The following UNC13C variants were observed in gnomAD, a reference collection of about 807,000 sequenced individuals.
UNC13C encodes the protein protein unc-13 homolog C.
In UNC13C, 174 loss-of-function variants were observed where a neutral mutation model predicts 245.4. The ratio of observed to expected loss-of-function variants is 0.71; its 90% CI spans 0.63 to 0.80. The LOEUF (loss-of-function observed/expected upper bound fraction) is 0.80. UNC13C is among the 30% of genes least tolerant of loss of function. The pLI, the probability that UNC13C is intolerant of heterozygous loss-of-function variation, is 0.00. For missense variants in UNC13C, 2,829 were observed against 2,602.9 expected, an observed-to-expected ratio of 1.09 and a Z score of -1.89; for synonymous variants, 992 against 895.1, an observed-to-expected ratio of 1.11 and a Z score of -1.93.
intron 17 of UNC13C, among the ~76,000 whole-genome samples, chr15:54,375,270 A>G (rs1446920720): frequency 1.3e-5 from 2 of 152,230 alleles, no homozygotes; most frequent in African/African-American, 2.4e-5. Context: ...AAAATTTCTA[A>G]TCTACCTTGC....
chr15:54,119,578 TC>T, intron 2 of UNC13C, among the ~76,000 whole-genome samples: 1 of 152,242 alleles, frequency 6.6e-6, no homozygotes, highest in Non-Finnish European at 1.5e-5. Flanking sequence ...TACATTGGCC[TC>T]TGAGTGTTTA....
In UNC13C at chr15:54,626,128, G is replaced by A. The variant is rs1233258488; in HGVS notation, c.6360-700G>A. On this transcript the variant is annotated intron_variant, in intron 32 of 32. Coordinates refer to ENST00000260323, the MANE Select transcript of UNC13C (RefSeq NM_001080534.3). ...AATATGAGAATGAACAAAAATAAGG[G>A]GTGGAGGAAGACAGACTGTATCTAC... is the stretch of plus-strand genomic sequence containing the variant. Among the ~76,000 whole-genome samples, 4 of 151,242 alleles carry A rather than the reference G, an allele frequency of 2.6e-5. No homozygotes were observed. In the East Asian group the frequency reaches 7.9e-4, roughly 30 times the overall value.
chr15:54,265,252 T>C, intron 9 of UNC13C, 103 bp from the exon 10 acceptor site: 2 of 976,730 alleles, frequency 2.0e-6, no homozygotes, highest in Non-Finnish European at 2.8e-6. Context: ...GGGATGCATC[T>C]ATAAGCCCAA....
chr15:53,991,196 T>C (rs1894371429), intron 1 of UNC13C, among the ~76,000 whole-genome samples: 1 of 152,020 alleles, frequency 6.6e-6, no homozygotes, highest in Non-Finnish European at 1.5e-5. Flanking sequence ...TATATATATG[T>C]ATATGCAGAT....
intron 19 of UNC13C, among the ~76,000 whole-genome samples, chr15:54,424,660 C>T (rs2040721157): frequency 6.6e-6 from 1 of 151,546 alleles, no homozygotes; most frequent in Admixed American, 6.6e-5. Flanking sequence ...AGTAACTTCA[C>T]AGACATATTA....
chr15:54,352,582 A>C (rs1243160829), intron 17 of UNC13C, among the ~76,000 whole-genome samples: 2 of 151,812 alleles, frequency 1.3e-5, no homozygotes, highest in Admixed American at 6.6e-5. Flanking sequence ...AGAAGGCATA[A>C]AACAAAAATA....
At chr15:54,053,148 A>G (rs962256150) in intron 2 of UNC13C, among the ~76,000 whole-genome samples, 3 of 152,010 alleles carry the variant, frequency 2.0e-5, no homozygotes, top group African/African-American at 4.8e-5. Flanking sequence ...ACAGGTGTGC[A>G]CCACTACAGG....
chr15:54,018,912 G>T (rs1566954444), intron 2 of UNC13C, among the ~76,000 whole-genome samples: 1 of 152,020 alleles, frequency 6.6e-6, no homozygotes, highest in African/African-American at 2.4e-5. Context: ...AATCAAGAGA[G>T]GTGGGATACT....
chr15:54,033,364 A>T (rs1300739363), intron 2 of UNC13C, among the ~76,000 whole-genome samples: 1 of 152,200 alleles, frequency 6.6e-6, no homozygotes, highest in Admixed American at 6.5e-5. Flanking sequence ...GATATACCTT[A>T]GTTCCTAATT....
At position 54,113,489 on chromosome 15, in the gene UNC13C, G is replaced by C. The variant is rs539055065; in HGVS notation, c.2984-29529G>C. ...GGAGTATTAGAAGCTGGTTAGGTCC[G>C]GGGAAGTCTTTCCGGGGGTAATCAC... On this transcript the variant is annotated intron_variant, in intron 2 of 32. Coordinates refer to ENST00000260323, the MANE Select transcript of UNC13C (RefSeq NM_001080534.3). Among the ~76,000 whole-genome samples, 3 of 152,266 alleles carry C rather than the reference G, an allele frequency of 2.0e-5. No individual in the cohort carries two copies. The East Asian group carries it at 5.8e-4, about 29-fold the overall frequency.
At chr15:54,225,235 G>C (rs920618157) in intron 4 of UNC13C, among the ~76,000 whole-genome samples, 6 of 151,672 alleles carry the variant, frequency 4.0e-5, no homozygotes, top group Admixed American at 3.9e-4. Context: ...GTTGGAAGCT[G>C]GTTAGCATGA....
intron 19 of UNC13C, among the ~76,000 whole-genome samples, chr15:54,464,034 G>A (rs1260212921): frequency 6.6e-6 from 1 of 152,158 alleles, no homozygotes; most frequent in East Asian, 1.9e-4. Flanking sequence ...AGCAGTTAAC[G>A]AATGTAAATT....
At chr15:53,888,742 G>T in the UNC13C span, among the ~76,000 whole-genome samples, 1 of 152,096 alleles carries the variant, frequency 6.6e-6, no homozygotes. Flanking sequence ...TGTAAGGAAG[G>T]GCTCACGTTT....
the UNC13C span, among the ~76,000 whole-genome samples, chr15:53,895,202 A>G: frequency 6.6e-6 from 1 of 151,974 alleles, no homozygotes; most frequent in Non-Finnish European, 1.5e-5. Flanking sequence ...CGTCTCTACT[A>G]AAAATATAAA....
chr15:54,158,795 G>C (rs749275423), intron 4 of UNC13C, among the ~76,000 whole-genome samples: 1 of 151,596 alleles, frequency 6.6e-6, no homozygotes, highest in Non-Finnish European at 1.5e-5. Flanking sequence ...GACCACAGGC[G>C]CATGCTACCA....
At chr15:54,518,007 G>T (rs1895054317) in intron 24 of UNC13C, among the ~76,000 whole-genome samples, 2 of 152,140 alleles carry the variant, frequency 1.3e-5, no homozygotes, top group African/African-American at 4.8e-5. Flanking sequence ...CATAGCCCCA[G>T]ATAATAAGGA....
chr15:54,008,983 T>C (rs1007082191), intron 1 of UNC13C, among the ~76,000 whole-genome samples: 25 of 152,196 alleles, frequency 1.6e-4, no homozygotes, highest in African/African-American at 4.8e-4. Context: ...TTCTGAAACA[T>C]AACAGGTGAT....
chr15:54,583,812 C>A (rs78957409), intron 30 of UNC13C, among the ~76,000 whole-genome samples: 1 of 150,856 alleles, frequency 6.6e-6, no homozygotes, highest in African/African-American at 2.4e-5. Flanking sequence ...GACCCAGAAC[C>A]CACACATCAC....
intron 18 of UNC13C, among the ~76,000 whole-genome samples, chr15:54,397,894 T>C (rs2040104188): frequency 1.3e-5 from 2 of 151,376 alleles, no homozygotes; most frequent in Admixed American, 6.6e-5. Flanking sequence ...TATTCTTGTC[T>C]AAAATAAATA....
Sources: gnomAD v4.1 joint callset for allele counts (sites outside exome capture counted in the v4.1 genomes callset) on GRCh38, gnomAD v4.1.1 for gene constraint, MANE v1.5 for transcripts, NCBI Gene and HGNC (gene_info 2026-07-23, HGNC 2026-07-21) for gene names.